TTC28: variants seen among roughly 807,000 people sequenced by gnomAD.
The protein encoded by TTC28 is tetratricopeptide repeat protein 28.
A neutral mutation model predicts 198.0 loss-of-function variants in TTC28; 61 were observed. The ratio of observed to expected loss-of-function variants is 0.31; its 90% confidence interval spans 0.25 to 0.38. The LOEUF (loss-of-function observed/expected upper bound fraction) is 0.38, where lower values mean the gene tolerates loss of function less well. Ranked by LOEUF, TTC28 falls within the 10% of genes least tolerant of loss-of-function variation. The pLI, the probability that TTC28 is intolerant of heterozygous loss-of-function variation, is 1.00. For missense variants in TTC28, 2,678 were observed against 3,164.0 expected (o/e 0.85, Z 3.69); for synonymous variants, 1,171 against 1,297.8 (o/e 0.90, Z 2.10).
At chr22:28,206,087 C>T (rs1926381256) in intron 5 of TTC28, among the ~76,000 whole-genome samples, 1 of 151,942 alleles carries the variant, frequency 6.6e-6, no homozygotes, top group Non-Finnish European at 1.5e-5. Context: ...CTGCCCAAGT[C>T]CCCAGGAAGC....
intron 12 of TTC28, among the ~76,000 whole-genome samples, chr22:28,063,659 A>G (rs571686260): frequency 3.3e-5 from 5 of 152,292 alleles, no homozygotes; most frequent in South Asian, 4.1e-4. Flanking sequence ...CATGGCATGT[A>G]TCCACCACAT....
intron 2 of TTC28, among the ~76,000 whole-genome samples, chr22:28,408,518 G>A (rs1021549300): frequency 1.3e-5 from 2 of 152,086 alleles, no homozygotes; most frequent in South Asian, 2.1e-4. Context: ...AGCCTCCCGA[G>A]TAGCTGAGAT....
At chr22:28,086,024 T>C (rs1342304193) in intron 12 of TTC28, among the ~76,000 whole-genome samples, 1 of 152,060 alleles carries the variant, frequency 6.6e-6, no homozygotes, top group African/African-American at 2.4e-5. Flanking sequence ...AAGTCCTCAG[T>C]GACCTACAAA....
rs566680858 is a variant in TTC28, at chr22:28,161,753, C to CAGGACAGGACAGGAA, written c.1441+1338_1441+1339insTTCCTGTCCTGTCCT. Among the ~76,000 whole-genome samples the CAGGACAGGACAGGAA allele has an allele frequency of 1.3e-3, 166 of 123,594 alleles. 1 individual carries two copies. The South Asian group carries it at 0.022, about 16-fold the overall frequency. 81.1% of individuals were successfully genotyped at this position (123,594 alleles called of 152,430 possible). On this transcript the variant is annotated intron_variant, in intron 6 of 22. Transcript: ENST00000397906. ...CAGGACAGGACAGGACAGGACAGGACAGGAAAGGAAAGGAGGAAGGAAGAG... is the reference window on the plus strand; with the variant it reads ...CAGGACAGGACAGGACAGGACAGGACAGGACAGGACAGGAAAGGAAAGGAAAGGAGGAAGGAAGAG...
intron 1 of TTC28, among the ~76,000 whole-genome samples, chr22:28,671,590 G>A (rs76205402): frequency 1.2e-3 from 172 of 140,822 alleles, no homozygotes; most frequent in African/African-American, 4.4e-3. Flanking sequence ...AGCCGAGATC[G>A]CACCACTGCA....
At chr22:28,563,467 A>G (rs1454984087) in intron 2 of TTC28, among the ~76,000 whole-genome samples, 1 of 152,200 alleles carries the variant, frequency 6.6e-6, no homozygotes, top group African/African-American at 2.4e-5. Context: ...AGTCAATTGT[A>G]AGAACTGCTT....
At chr22:28,026,439 C>T (rs769380689) in intron 13 of TTC28, among the ~76,000 whole-genome samples, 7 of 152,144 alleles carry the variant, frequency 4.6e-5, no homozygotes, top group South Asian at 2.1e-4. Context: ...GCACTGTGGC[C>T]GGCCCACTCC....
At position 28,105,355 on chromosome 22, in the gene TTC28, C is replaced by A. The variant is rs1471587416; in HGVS notation, c.3231G>T (p.Thr1077=). Residue 1077 remains threonine, a synonymous_variant, in exon 8 of 23, where the codon ACG becomes ACT. Coordinates refer to ENST00000397906, the MANE Select transcript of TTC28 (RefSeq NM_001145418.2). ...AAQMNDLAAK[T]VSYSSLGRTH... is the part of the protein sequence containing the mutation. ...TCCTTCCAAGGCTACTATATGACAC[C>A]GTCTTGGCCGCCAAGTCATTCATCT... is the stretch of plus-strand genomic sequence containing the variant. 6.4e-7 allele frequency: 1 copy of A among 1,551,680 alleles called. No homozygotes were observed. The highest frequency in any genetic ancestry group is 2.4e-5 in the East Asian group (1 of 40,928).
chr22:28,531,247 G>A lies in TTC28; in HGVS notation c.381+98305C>T, dbSNP rs181052129. On this transcript the variant is annotated intron_variant, in intron 2 of 22. Transcript: ENST00000397906. The stretch of plus-strand genomic sequence containing the variant: ...AGCAAATGGAAAACAACAAAAAGCA[G>A]GAGTTGCAATCCTAGCCTCTGATAA... 9.2e-5 allele frequency among the ~76,000 whole-genome samples: 14 copies of A among 152,230 alleles called. No homozygotes were observed. The East Asian group carries it at 1.9e-3, about 21-fold the overall frequency.
chr22:28,564,371 G>T (rs556281703), intron 2 of TTC28, among the ~76,000 whole-genome samples: 1 of 152,052 alleles, frequency 6.6e-6, no homozygotes, highest in Non-Finnish European at 1.5e-5. Context: ...GATCTTACAA[G>T]ATCTTACAAG....
intron 5 of TTC28, among the ~76,000 whole-genome samples, chr22:28,171,624 A>G (rs1922688566): frequency 1.7e-5 from 1 of 57,990 alleles, no homozygotes; most frequent in African/African-American, 6.1e-5. Context: ...CATATTTGCA[A>G]AAAAAAAAAA....
At chr22:28,499,091 T>C (rs868197641) in intron 2 of TTC28, among the ~76,000 whole-genome samples, 2 of 152,050 alleles carry the variant, frequency 1.3e-5, no homozygotes, top group African/African-American at 2.4e-5. Context: ...GGTTGGGGGA[T>C]TGTTTGAGCC....
In TTC28 at chr22:27,983,229, G is replaced by T; in HGVS notation, c.6438C>A (p.Thr2146=). Residue 2146 remains threonine (T), a synonymous_variant, in exon 23 of 23, where the codon ACC becomes ACA. Transcript: ENST00000397906. ...SDQSSTETDS[T]VKSQEESNPK... is the part of the protein sequence containing the mutation. ...GGTTGCTTTCTTCTTGGGATTTCAC[G>T]GTACTGTCCGTTTCTGTGCTAGACT... The T allele has an allele frequency of 6.4e-7, 1 of 1,551,846 alleles. No individual in the cohort carries two copies. Among genetic ancestry groups the T allele is most frequent in the Non-Finnish European group, 8.7e-7 (1 of 1,147,030 alleles).
intron 5 of TTC28, among the ~76,000 whole-genome samples, chr22:28,225,030 A>G (rs1262988907): frequency 6.6e-6 from 1 of 152,156 alleles, no homozygotes; most frequent in Non-Finnish European, 1.5e-5. Context: ...CAGGCTATCC[A>G]TTAACAATCA....
chr22:28,603,131 G>A (rs868758517), intron 2 of TTC28, among the ~76,000 whole-genome samples: 1 of 152,012 alleles, frequency 6.6e-6, no homozygotes, highest in Admixed American at 6.5e-5. Flanking sequence ...CACCCACCTC[G>A]GCTTCCCAAA....
intron 2 of TTC28, among the ~76,000 whole-genome samples, chr22:28,563,632 A>G (rs1257012311): frequency 1.3e-5 from 2 of 152,166 alleles, no homozygotes; most frequent in African/African-American, 4.8e-5. Context: ...GACTGACTAT[A>G]ATTTTAAAAA....
At chr22:28,162,282 T>C (rs1921305955) in intron 6 of TTC28, among the ~76,000 whole-genome samples, 1 of 152,262 alleles carries the variant, frequency 6.6e-6, no homozygotes, top group African/African-American at 2.4e-5. Context: ...AATAGATCTT[T>C]CACAAAAATA....
At chr22:28,444,558 A>G (rs532164530) in intron 2 of TTC28, among the ~76,000 whole-genome samples, 3 of 152,302 alleles carry the variant, frequency 2.0e-5, no homozygotes, top group Admixed American at 6.5e-5. Flanking sequence ...CCACTAGTCT[A>G]TGCTAGAACC....
chr22:28,363,897 G>A (rs930309267), intron 2 of TTC28, among the ~76,000 whole-genome samples: 1 of 152,150 alleles, frequency 6.6e-6, no homozygotes, highest in Non-Finnish European at 1.5e-5. Flanking sequence ...TTATATCTAG[G>A]AAGTAACCAA....
Sources: gnomAD v4.1 joint callset for allele counts (sites outside exome capture counted in the v4.1 genomes callset) on GRCh38, gnomAD v4.1.1 for gene constraint, MANE v1.5 for transcripts, NCBI Gene and HGNC (gene_info 2026-07-23, HGNC 2026-07-21) for gene names.